DNAI4: variants seen among roughly 807,000 people sequenced by gnomAD.
DNAI4 encodes the protein dynein axonemal intermediate chain 4, also known as WD repeat domain 78.
A neutral mutation model predicts 105.8 loss-of-function variants in DNAI4; 85 were observed. The observed-to-expected ratio is 0.80, with a 90% CI of 0.67 to 0.96. DNAI4 has a LOEUF of 0.96. Ranked by LOEUF, DNAI4 falls within the 40% of genes least tolerant of loss-of-function variation. The pLI is 0.00. For synonymous variants in DNAI4, 352 were observed against 331.5 expected (o/e 1.06, Z -0.67); for missense variants, 1,014 against 1,005.6 (o/e 1.01, Z -0.11).
intron 7 of DNAI4, among the ~76,000 whole-genome samples, chr1:66,855,092 T>A (rs1341983981): frequency 6.6e-6 from 1 of 152,138 alleles, no homozygotes; most frequent in Non-Finnish European, 1.5e-5. Context: ...ACTGCCTCCT[T>A]AACAAAGCTT....
chr1:66,923,304 A>G (rs1650686839), intron 1 of DNAI4, among the ~76,000 whole-genome samples: 1 of 152,216 alleles, frequency 6.6e-6, no homozygotes, highest in Admixed American at 6.5e-5. Context: ...ATACAATTGT[A>G]GCCTAGGTGT....
chr1:66,835,540 A>C, intron 11 of DNAI4, 86 bp downstream of exon 11: 1 of 1,391,138 alleles, frequency 7.2e-7, no homozygotes, highest in Non-Finnish European at 9.9e-7. Context: ...TAACAACAAA[A>C]ATATTTACTC....
At chr1:66,893,056 A>AAAGAAAGGAAGGAAG (rs1557965186) in intron 3 of DNAI4, among the ~76,000 whole-genome samples, 173 bp downstream of exon 3, 1 of 88,832 alleles carries the variant, frequency 1.1e-5, no homozygotes, top group African/African-American at 4.8e-5. Context: ...AGAAAGAAAG[A>AAAGAAAGGAAGGAAG]GAGAGAGAGA....
intron 7 of DNAI4, among the ~76,000 whole-genome samples, chr1:66,853,293 TGGATTGAC>T (rs767860982): frequency 6.6e-6 from 1 of 152,236 alleles, no homozygotes; most frequent in Non-Finnish European, 1.5e-5. Flanking sequence ...CACAGGTTTA[TGGATTGAC>T]GAGCTTAAAG....
chr1:66,855,818 A>G (rs1646488419), intron 7 of DNAI4, among the ~76,000 whole-genome samples: 1 of 152,128 alleles, frequency 6.6e-6, no homozygotes. Flanking sequence ...ATCAGTAAAG[A>G]TATAGGTTTG....
chr1:66,823,458 G>A (rs1399250713), intron 15 of DNAI4, among the ~76,000 whole-genome samples: 8 of 150,622 alleles, frequency 5.3e-5, no homozygotes, highest in Admixed American at 3.3e-4. Context: ...GGTATTTCTA[G>A]TTCTAGATCC....
intron 4 of DNAI4, among the ~76,000 whole-genome samples, chr1:66,889,608 TC>T (rs1336256230): frequency 9.2e-5 from 14 of 152,128 alleles, no homozygotes; most frequent in Admixed American, 2.0e-4. Context: ...GAAAGAAAAG[TC>T]CATAAAGCAC....
In DNAI4 at chr1:66,835,751, T is replaced by C. The variant is rs1645972022; in HGVS notation, c.1608A>G (p.Pro536=). The change falls in exon 11 of 17, where the codon CCA becomes CCG. Residue 536 remains proline (P), a synonymous_variant. Transcript: ENST00000371026. ...PMWPERIYQS[P]YGVTAVDFSI... ...AAAAATCCACAGCAGTAACTCCATA[T>C]GGACTCTGATAAATACGTTCTGGCC... The C allele has an allele frequency of 6.2e-7, 1 of 1,613,978 alleles. No individual in the cohort carries two copies. Among genetic ancestry groups the C allele is most frequent in the African/African-American group, 1.3e-5 (1 of 74,940 alleles).
intron 1 of DNAI4, among the ~76,000 whole-genome samples, chr1:66,916,024 GA>G (rs1221133989): frequency 7.1e-6 from 1 of 139,926 alleles, no homozygotes; most frequent in Non-Finnish European, 1.5e-5. Context: ...GGGAGACTGA[GA>G]AAGGAGAATT....
Position 66,822,423 on chromosome 1 carries a change from T to C in DNAI4, c.2434A>G (p.Ser812Gly), listed in dbSNP as rs1645650032. ...KQTDCLLVGD[S>G]DGQVSVYELR... ...TCATACACAGAAACCTGTCCATCAC[T>C]GTCTCCTACCAGAAGGCAATCTGTT... Residue 812 changes from serine to glycine, a missense_variant, in exon 16 of 17, where the codon AGT becomes GGT. Transcript: ENST00000371026. The C allele has an allele frequency of 1.2e-5, 19 of 1,613,690 alleles. No homozygotes were observed. Among genetic ancestry groups the C allele is most frequent in the Non-Finnish European group, 1.5e-5 (18 of 1,179,832 alleles).
rs1164661315 is a variant in DNAI4, at chr1:66,813,268, A to C, written c.*862T>G. ...ATGTCCTGTGGCCTCAGTTTAACCCAGGATTTGTTAAAACAAACTGCATAG... is the reference window on the plus strand; with the variant it reads ...ATGTCCTGTGGCCTCAGTTTAACCCCGGATTTGTTAAAACAAACTGCATAG... On this transcript the variant is annotated 3_prime_UTR_variant, in exon 17 of 17. Coordinates refer to ENST00000371026, the MANE Select transcript of DNAI4 (RefSeq NM_024763.5). 2 of 152,320 alleles carry C rather than the reference A, an allele frequency of 1.3e-5. No individual in the cohort carries two copies. Among genetic ancestry groups the C allele is most frequent in the Non-Finnish European group, 2.9e-5 (2 of 68,034 alleles). 9.4% of individuals were successfully genotyped at this position (152,320 alleles called of 1,614,324 possible). A position where few individuals can be genotyped will look rare whatever the true frequency, so the allele number is the denominator to read the frequency against.
chr1:66,846,453 T>C (rs1572640188), intron 8 of DNAI4, among the ~76,000 whole-genome samples: 1 of 152,040 alleles, frequency 6.6e-6, no homozygotes, highest in South Asian at 2.1e-4. Flanking sequence ...TAGGCAAACA[T>C]GGGGTGGGGA....
At chr1:66,889,651 C>T (rs887478993) in intron 4 of DNAI4, among the ~76,000 whole-genome samples, 3 of 152,146 alleles carry the variant, frequency 2.0e-5, no homozygotes, top group African/African-American at 7.2e-5. Flanking sequence ...TCACCAGTCC[C>T]TCATTATCAT....
chr1:66,908,002 G>A (rs193038127), intron 1 of DNAI4, among the ~76,000 whole-genome samples: 1 of 152,128 alleles, frequency 6.6e-6, no homozygotes, highest in East Asian at 1.9e-4. Flanking sequence ...TGAGGTTATG[G>A]TTAGTTACTT....
chr1:66,858,343 C>T (rs550908570), intron 7 of DNAI4, among the ~76,000 whole-genome samples: 35 of 151,586 alleles, frequency 2.3e-4, no homozygotes, highest in Non-Finnish European at 4.1e-4. Flanking sequence ...TCCCAGCTAA[C>T]ATAGTGAAAC....
intron 7 of DNAI4, among the ~76,000 whole-genome samples, chr1:66,853,079 A>C (rs1227826569): frequency 6.6e-6 from 1 of 152,210 alleles, no homozygotes; most frequent in Non-Finnish European, 1.5e-5. Context: ...TAGGTGAGAC[A>C]CCATGAGGAA....
chr1:66,861,687 T>C (rs1268739225), intron 7 of DNAI4, among the ~76,000 whole-genome samples: 2 of 152,130 alleles, frequency 1.3e-5, no homozygotes, highest in Non-Finnish European at 2.9e-5. Flanking sequence ...GTATCCCCGG[T>C]AGATGCCCTC....
intron 2 of DNAI4, among the ~76,000 whole-genome samples, chr1:66,904,023 A>G (rs967798898): frequency 7.9e-6 from 1 of 126,852 alleles, no homozygotes. Context: ...TTGTGTGTGT[A>G]TATATACATA....
chr1:66,852,055 C>T (rs1413441468), intron 7 of DNAI4, among the ~76,000 whole-genome samples: 1 of 151,814 alleles, frequency 6.6e-6, no homozygotes, highest in African/African-American at 2.4e-5. Context: ...TTATCAAAAT[C>T]AGGAGTAAAA....
Sources: gnomAD v4.1 joint callset for allele counts (sites outside exome capture counted in the v4.1 genomes callset) on GRCh38, gnomAD v4.1.1 for gene constraint, MANE v1.5 for transcripts, NCBI Gene and HGNC (gene_info 2026-07-23, HGNC 2026-07-21) for gene names.